B3GALT5: variants seen among roughly 807,000 people sequenced by gnomAD.
B3GALT5 encodes UDP-Gal:betaGlcNAc beta 1,3-galactosyltransferase, polypeptide 5.
For missense variants in B3GALT5, 328 were observed against 396.6 expected (o/e 0.83, Z 1.47); for synonymous variants, 156 against 158.6 (o/e 0.98, Z 0.12).
chr21:39,639,342 C>CTTTCTTTCTTTT (rs2079259244), intron 1 of B3GALT5, among the ~76,000 whole-genome samples: 1 of 122,504 alleles, frequency 8.2e-6, no homozygotes, highest in Non-Finnish European at 1.7e-5. Flanking sequence ...TTCTTTCTTT[C>CTTTCTTTCTTTT]TTTCTTTCCT....
chr21:39,624,253 G>A (rs1467689723), intron 1 of B3GALT5, among the ~76,000 whole-genome samples: 1 of 152,044 alleles, frequency 6.6e-6, no homozygotes, highest in Non-Finnish European at 1.5e-5. Flanking sequence ...GTAAAATTCT[G>A]GTGTTTTTGG....
intron 2 of B3GALT5, among the ~76,000 whole-genome samples, chr21:39,651,991 G>A (rs2079399847): frequency 6.6e-6 from 1 of 152,210 alleles, no homozygotes; most frequent in Admixed American, 6.5e-5. Flanking sequence ...GACCCATGAT[G>A]TAAGGATGTT....
At chr21:39,639,326 CTTTCTTTCTTTCTTTCT>C (rs2079257704) in intron 1 of B3GALT5, among the ~76,000 whole-genome samples, 1 of 115,592 alleles carries the variant, frequency 8.7e-6, no homozygotes, top group African/African-American at 3.4e-5. Context: ...TTCTTTCTTT[CTTTCTTTCTTTCTTTCT>C]TTCTTTCCTT....
chr21:39,637,456 G>A (rs1172898489), intron 1 of B3GALT5, among the ~76,000 whole-genome samples: 5 of 152,238 alleles, frequency 3.3e-5, no homozygotes, highest in Non-Finnish European at 5.9e-5. Context: ...CTCTTGTCAT[G>A]TCAGTCAGCT....
chr21:39,661,384 A>G lies in B3GALT5; in HGVS notation c.825A>G (p.Val275=), dbSNP rs1361684454. The G allele has an allele frequency of 6.3e-7, 1 of 1,593,492 alleles. No individual in the cohort carries two copies. Among genetic ancestry groups the G allele is most frequent in the Non-Finnish European group, 8.5e-7 (1 of 1,170,258 alleles). ...TFFPGGLRFS[V]CLFRRIVACH... ...TTCCAGGGGGCTTACGCTTCTCCGT[A>G]TGCCTCTTCAGGAGGATCGTGGCCT... is the stretch of plus-strand genomic sequence containing the variant. The change falls in exon 4 of 4, where the codon GTA becomes GTG. Residue 275 remains valine (V), a synonymous_variant. Coordinates refer to ENST00000684187, the MANE Select transcript of B3GALT5 (RefSeq NM_001356336.2). The surrounding 1 kb of genome is among the most constrained non-coding windows in gnomAD (Gnocchi z 4.7).
chr21:39,635,459 T>C (rs1299796198), intron 1 of B3GALT5, among the ~76,000 whole-genome samples: 1 of 152,160 alleles, frequency 6.6e-6, no homozygotes, highest in Non-Finnish European at 1.5e-5. Flanking sequence ...ACTTTCTGAA[T>C]AGGGATTATC....
intron 1 of B3GALT5, among the ~76,000 whole-genome samples, chr21:39,616,137 C>T (rs923461876): frequency 2.6e-5 from 4 of 151,916 alleles, no homozygotes; most frequent in Admixed American, 2.6e-4. Context: ...TGCTTGAGTC[C>T]AGAAGTTTGA....
In B3GALT5 at chr21:39,670,283, TAG is replaced by T. The variant is rs1399258289; in HGVS notation, c.*8795_*8796del. The T allele has an allele frequency of 6.6e-6, 1 of 151,960 alleles. No homozygotes were observed. The highest frequency in any genetic ancestry group is 6.6e-5 in the Admixed American group (1 of 15,256). 9.4% of individuals were successfully genotyped at this position (151,960 alleles called of 1,614,324 possible). The stretch of plus-strand genomic sequence containing the variant: ...AGACAGACAGATCTGAGGCTCTAAT[TAG>T]AGATACCATGCTCAGTGGAAGCTGG... On this transcript the variant is annotated 3_prime_UTR_variant, in exon 4 of 4. Coordinates refer to ENST00000684187, the MANE Select transcript of B3GALT5 (RefSeq NM_001356336.2).
intron 1 of B3GALT5, among the ~76,000 whole-genome samples, chr21:39,618,005 T>TAAAAAAAAAAAAAAAAAAAAC (rs2079115632): frequency 7.6e-6 from 1 of 131,320 alleles, no homozygotes; most frequent in East Asian, 2.0e-4. Flanking sequence ...AAATAAAAAA[T>TAAAAAAAAAAAAAAAAAAAAC]TACCCCAAGC....
chr21:39,616,650 G>A (rs1006114165), intron 1 of B3GALT5, among the ~76,000 whole-genome samples: 6 of 152,078 alleles, frequency 3.9e-5, no homozygotes, highest in African/African-American at 1.2e-4. Context: ...AATTGTCCTC[G>A]ATTGCTTCTC....
rs1254652799 is a variant in B3GALT5, at chr21:39,659,747, T to A, written c.-160-6T>A. On this transcript the variant is annotated splice_region_variant and splice_polypyrimidine_tract_variant and intron_variant, in intron 2 of 3. Coordinates refer to ENST00000684187, the MANE Select transcript of B3GALT5 (RefSeq NM_001356336.2). Reference sequence around the variant, plus strand: ...TTGAATGACACTCTTTTTTTTTTTTTCCTAGTGATTCCTGTCAGAATCACC... The same window carrying A: ...TTGAATGACACTCTTTTTTTTTTTTACCTAGTGATTCCTGTCAGAATCACC... 9.1e-6 allele frequency: 9 copies of A among 983,902 alleles called. No individual in the cohort carries two copies. Among genetic ancestry groups the A allele is most frequent in the Non-Finnish European group, 1.1e-5 (9 of 828,940 alleles). 60.9% of individuals were successfully genotyped at this position (983,902 alleles called of 1,614,324 possible).
rs537420280 is a variant in B3GALT5, at chr21:39,628,169, G to A, written c.-392+15102G>A. On this transcript the variant is annotated intron_variant, in intron 1 of 3. Coordinates refer to ENST00000684187, the MANE Select transcript of B3GALT5 (RefSeq NM_001356336.2). ...CATGATAGACAAAGACTTTAAAATC[G>A]TTATTATAAATACGGTAAGTAAATT... 6.6e-5 allele frequency among the ~76,000 whole-genome samples: 10 copies of A among 152,200 alleles called. No homozygotes were observed. In the East Asian group the frequency reaches 1.4e-3, roughly 21 times the overall value.
chr21:39,646,118 G>T (rs568840890), intron 1 of B3GALT5, among the ~76,000 whole-genome samples: 1 of 152,094 alleles, frequency 6.6e-6, no homozygotes, highest in East Asian at 1.9e-4. Context: ...GCGACCGAAG[G>T]TCTCCTGCTG....
intron 2 of B3GALT5, among the ~76,000 whole-genome samples, chr21:39,651,629 A>T (rs546387234): frequency 6.0e-4 from 91 of 152,290 alleles, no homozygotes; most frequent in African/African-American, 2.1e-3. Context: ...TTAACATGGG[A>T]GTTTTTTGGG....
intron 2 of B3GALT5, among the ~76,000 whole-genome samples, chr21:39,655,627 G>A (rs571695609): frequency 1.3e-5 from 2 of 152,168 alleles, no homozygotes; most frequent in Non-Finnish European, 2.9e-5. Flanking sequence ...TACAATTGGG[G>A]TGGGGGGCAT....
At position 39,650,976 on chromosome 21, in the gene B3GALT5, G is replaced by GAAA. The variant is rs5843972; in HGVS notation, c.-161+4362_-161+4364dup. Among the ~76,000 whole-genome samples the GAAA allele has an allele frequency of 1.1e-4, 16 of 149,386 alleles. No individual in the cohort carries two copies. The East Asian group carries it at 3.2e-3, about 29-fold the overall frequency. ...CAAGGTCAGATAAAACAACCATAAAGAAAAAAAAAACCTTCTTCTAGAGTG... is the reference window on the plus strand; with the variant it reads ...CAAGGTCAGATAAAACAACCATAAAGAAAAAAAAAAAAACCTTCTTCTAGAGTG... On this transcript the variant is annotated intron_variant, in intron 2 of 3. Coordinates refer to ENST00000684187, the MANE Select transcript of B3GALT5 (RefSeq NM_001356336.2).
intron 1 of B3GALT5, among the ~76,000 whole-genome samples, chr21:39,614,854 T>G (rs1354243004): frequency 6.6e-6 from 1 of 152,180 alleles, no homozygotes; most frequent in Non-Finnish European, 1.5e-5. Flanking sequence ...CTGCTTGGTT[T>G]TCTGCCAGGC....
chr21:39,617,679 C>T (rs1218435614), intron 1 of B3GALT5, among the ~76,000 whole-genome samples: 1 of 152,152 alleles, frequency 6.6e-6, no homozygotes, highest in African/African-American at 2.4e-5. Context: ...CAAGCTTGTC[C>T]AACCTGCAGC....
chr21:39,639,052 C>A (rs1460189313), intron 1 of B3GALT5, among the ~76,000 whole-genome samples: 1 of 152,206 alleles, frequency 6.6e-6, no homozygotes, highest in Non-Finnish European at 1.5e-5. Context: ...GGGTGGACCT[C>A]TTTCCCACAG....
Sources: allele counts gnomAD v4.1 joint callset (sites outside exome capture counted in the v4.1 genomes callset), GRCh38; gene constraint gnomAD v4.1.1; non-coding constraint Gnocchi (gnomAD v3.1); transcripts MANE v1.5; gene names NCBI Gene and HGNC (gene_info 2026-07-23, HGNC 2026-07-21).